The following KDM4C variants were observed in gnomAD, a reference collection of about 807,000 sequenced individuals.
KDM4C encodes lysine demethylase 4C, also known as lysine-specific demethylase 4C.
KDM4C carries 81 observed loss-of-function variants against 129.3 expected under a neutral mutation model. That is an observed-to-expected ratio of 0.63 (90% CI 0.52 to 0.75). The LOEUF (loss-of-function observed/expected upper bound fraction) is 0.75, where lower values mean the gene tolerates loss of function less well. Among genes scored for constraint, KDM4C ranks in the 30% least tolerant of loss-of-function variants. The pLI is 0.00. For synonymous variants in KDM4C, 573 were observed against 456.1 expected (o/e 1.26, Z -3.26); for missense variants, 1,457 against 1,304.0 (o/e 1.12, Z -1.81).
At chr9:6,801,618 G>GCTCTCTCTCTCT (rs147393202) in intron 2 of KDM4C, among the ~76,000 whole-genome samples, 2 of 145,512 alleles carry the variant, frequency 1.4e-5, no homozygotes, top group South Asian at 2.2e-4. Context: ...GTGCAGATAT[G>GCTCTCTCTCTCT]CTCTCTCTCT....
intron 1 of KDM4C, among the ~76,000 whole-genome samples, chr9:6,789,662 G>A (rs1826163797): frequency 6.6e-6 from 1 of 151,992 alleles, no homozygotes; most frequent in African/African-American, 2.4e-5. Context: ...CACCGTGCCT[G>A]GACCAGATCC....
chr9:6,967,390 C>G (rs1360979363), intron 8 of KDM4C, among the ~76,000 whole-genome samples: 2 of 148,492 alleles, frequency 1.3e-5, no homozygotes, highest in Non-Finnish European at 3.0e-5. Flanking sequence ...TGCCGCTGCA[C>G]TCCTGCCTGG....
At chr9:6,885,425 C>G (rs1016617591) in intron 6 of KDM4C, among the ~76,000 whole-genome samples, 4 of 152,268 alleles carry the variant, frequency 2.6e-5, no homozygotes, top group Admixed American at 6.5e-5. Flanking sequence ...TTGCAAAACT[C>G]TCAGCAGCAC....
chr9:7,136,553 T>G (rs1479182769), intron 19 of KDM4C, among the ~76,000 whole-genome samples: 5 of 152,234 alleles, frequency 3.3e-5, no homozygotes, highest in Admixed American at 3.3e-4. Flanking sequence ...TTCACGGTAT[T>G]GTAATTTATG....
chr9:6,785,485 C>T (rs1010006817), intron 1 of KDM4C, among the ~76,000 whole-genome samples: 2 of 152,094 alleles, frequency 1.3e-5, no homozygotes, highest in African/African-American at 2.4e-5. Context: ...TACAGGCACC[C>T]GCCACCATGC....
chr9:6,952,504 G>A (rs950896221), intron 8 of KDM4C, among the ~76,000 whole-genome samples: 13 of 151,400 alleles, frequency 8.6e-5, no homozygotes, highest in African/African-American at 2.7e-4. Flanking sequence ...GCAGTGGCAC[G>A]ATCTCGGCTC....
intron 8 of KDM4C, among the ~76,000 whole-genome samples, chr9:6,965,303 A>G (rs1408640473): frequency 6.6e-6 from 1 of 151,416 alleles, no homozygotes. Flanking sequence ...ATATATATAT[A>G]TATTTGGATA....
chr9:6,919,941 CT>C (rs1821172279), intron 8 of KDM4C, among the ~76,000 whole-genome samples: 1 of 152,144 alleles, frequency 6.6e-6, no homozygotes, highest in African/African-American at 2.4e-5. Context: ...ATCAGAACTG[CT>C]TTTGTCAAAG....
At chr9:7,109,292 A>T (rs1032487552) in intron 18 of KDM4C, among the ~76,000 whole-genome samples, 7 of 152,226 alleles carry the variant, frequency 4.6e-5, no homozygotes, top group African/African-American at 1.7e-4. Context: ...AAACATGAAG[A>T]TGCCCTAGTT....
chr9:6,757,871 G>C (rs1818520060), upstream of KDM4C: 2 of 985,494 alleles, frequency 2.0e-6, no homozygotes, highest in African/African-American at 3.5e-5. Context: ...TGAGCCCAAA[G>C]CAAGAGCGTG....
At chr9:6,959,399 T>C (rs1377015357) in intron 8 of KDM4C, among the ~76,000 whole-genome samples, 1 of 152,192 alleles carries the variant, frequency 6.6e-6, no homozygotes, top group African/African-American at 2.4e-5. Context: ...CAGAGGCTCT[T>C]GGAGAATATG....
rs142743054 is a variant in KDM4C at position 6,744,161 on chromosome 9, G to A, written c.49+23164G>A. Among the ~76,000 whole-genome samples the A allele has an allele frequency of 3.4e-3, 512 of 152,182 alleles. 4 individuals are homozygous for A. Among genetic ancestry groups the A allele is most frequent in the African/African-American group, 0.012 (494 of 41,498 alleles). On this transcript the variant is annotated intron_variant, in intron 1 of 17. Transcript: ENST00000536108. Reference sequence around the variant, plus strand: ...GACTTCTGGAGCCTCAATAGCAACAGCGTTTGGAAAAAAATTATTTCCAAA... The same window carrying A: ...GACTTCTGGAGCCTCAATAGCAACAACGTTTGGAAAAAAATTATTTCCAAA...
At chr9:7,062,745 A>G (rs1448122006) in intron 17 of KDM4C, among the ~76,000 whole-genome samples, 8 of 152,012 alleles carry the variant, frequency 5.3e-5, no homozygotes, top group African/African-American at 1.7e-4. Context: ...TTTTAAGGGA[A>G]TCTGTGGAAG....
chr9:6,878,619 A>C (rs1368483164), intron 5 of KDM4C, among the ~76,000 whole-genome samples: 1 of 152,164 alleles, frequency 6.6e-6, no homozygotes, highest in East Asian at 1.9e-4. Context: ...ATATGGTTGA[A>C]CTTTAGATTG....
chr9:6,726,343 G>A (rs1027924496), intron 1 of KDM4C, among the ~76,000 whole-genome samples: 6 of 152,218 alleles, frequency 3.9e-5, no homozygotes, highest in African/African-American at 1.4e-4. Flanking sequence ...GACTCAATGT[G>A]ATCAAGAATC....
At chr9:6,844,969 T>C (rs897000157) in intron 4 of KDM4C, among the ~76,000 whole-genome samples, 2 of 152,206 alleles carry the variant, frequency 1.3e-5, no homozygotes, top group Non-Finnish European at 2.9e-5. Flanking sequence ...ATTACAGGCG[T>C]GTGCCACTGC....
intron 5 of KDM4C, among the ~76,000 whole-genome samples, chr9:6,865,516 C>T (rs1280021949): frequency 6.6e-6 from 1 of 152,108 alleles, no homozygotes; most frequent in Non-Finnish European, 1.5e-5. Context: ...GGATGTATGT[C>T]TATGACTTTG....
intron 1 of KDM4C, among the ~76,000 whole-genome samples, chr9:6,725,780 G>A (rs1817105519): frequency 6.7e-6 from 1 of 148,968 alleles, no homozygotes; most frequent in Non-Finnish European, 1.5e-5. Context: ...TGCGATCTCG[G>A]CTCACTGCAA....
intron 17 of KDM4C, 103 bp from the exon 18 acceptor site, chr9:7,103,582 T>TG: frequency 2.8e-6 from 2 of 708,002 alleles, no homozygotes; most frequent in East Asian, 3.4e-5. Flanking sequence ...AATCAGTTGT[T>TG]TTTTTTTTTT....
Sources: allele counts gnomAD v4.1 joint callset (sites outside exome capture counted in the v4.1 genomes callset), GRCh38; gene constraint gnomAD v4.1.1; transcripts MANE v1.5; gene names NCBI Gene and HGNC (gene_info 2026-07-23, HGNC 2026-07-21).